The following SUGCT variants were observed in gnomAD, a reference collection of about 807,000 sequenced individuals.
The protein encoded by SUGCT is succinyl-CoA:glutarate-CoA transferase, also known as succinyl-CoA:glutarate CoA-transferase.
Under a neutral mutation model 55.0 loss-of-function variants are expected in SUGCT, and 41 were observed. That is an observed-to-expected ratio of 0.74 (90% CI 0.58 to 0.97). The LOEUF is 0.97. SUGCT is among the 50% of genes least tolerant of loss of function. The pLI is 0.00. For missense variants in SUGCT, 568 were observed against 547.8 expected, an observed-to-expected ratio of 1.04 and a Z score of -0.37; for synonymous variants, 187 against 200.4, an observed-to-expected ratio of 0.93 and a Z score of 0.56.
At chr7:40,854,465 TTTCTTTC>T (rs1439712709) in intron 13 of SUGCT, among the ~76,000 whole-genome samples, 3 of 147,580 alleles carry the variant, frequency 2.0e-5, no homozygotes, top group Non-Finnish European at 4.5e-5. Flanking sequence ...TCTTTCTTTC[TTTCTTTC>T]TTTCTCTTTC....
chr7:40,898,480 C>CGGGGGGGGGGGGGGGGGGG, the SUGCT span, among the ~76,000 whole-genome samples: 2 of 5,716 alleles, frequency 3.5e-4, no homozygotes, highest in Admixed American at 1.5e-3. Context: ...TCCGGGAGGT[C>CGGGGGGGGGGGGGGGGGGG]GGGGGGGGGG....
At chr7:40,186,083 C>G (rs1477843728) in intron 3 of SUGCT, among the ~76,000 whole-genome samples, 2 of 150,688 alleles carry the variant, frequency 1.3e-5, no homozygotes, top group African/African-American at 4.9e-5. Context: ...CTTTCTTTCT[C>G]TCTTTTTCTT....
chr7:41,025,596 C>T, the SUGCT span, among the ~76,000 whole-genome samples: 1 of 152,130 alleles, frequency 6.6e-6, no homozygotes, highest in Non-Finnish European at 1.5e-5. Context: ...ACCTTGTGAT[C>T]AGCCTGCCTC....
At chr7:40,741,690 A>G (rs1418752354) in intron 12 of SUGCT, among the ~76,000 whole-genome samples, 3 of 152,250 alleles carry the variant, frequency 2.0e-5, no homozygotes, top group Admixed American at 6.5e-5. Context: ...GAAGCTACCT[A>G]AAAGCAGAGT....
the SUGCT span, among the ~76,000 whole-genome samples, chr7:41,015,080 G>C: frequency 0.015 from 2,328 of 152,226 alleles, 56 homozygotes; most frequent in African/African-American, 0.053. Flanking sequence ...GGAGATAATT[G>C]GTGTGAATCA....
chr7:40,705,698 C>G (rs1785364825), intron 12 of SUGCT, among the ~76,000 whole-genome samples: 1 of 152,176 alleles, frequency 6.6e-6, no homozygotes, highest in South Asian at 2.1e-4. Flanking sequence ...AGCTATAGAG[C>G]TTGAAGCAAG....
intron 6 of SUGCT, among the ~76,000 whole-genome samples, chr7:40,224,592 A>C (rs1258487068): frequency 6.6e-6 from 1 of 152,176 alleles, no homozygotes; most frequent in Non-Finnish European, 1.5e-5. Context: ...TGTTGTAGGC[A>C]AGATAGTATC....
intron 7 of SUGCT, among the ~76,000 whole-genome samples, chr7:40,268,826 A>G (rs556148850): frequency 2.0e-4 from 31 of 152,050 alleles, no homozygotes; most frequent in Admixed American, 1.1e-3. Flanking sequence ...TTTAGGGGAG[A>G]TGGGGTTTCA....
At chr7:40,341,901 T>TA (rs1052546146) in intron 9 of SUGCT, among the ~76,000 whole-genome samples, 7 of 151,142 alleles carry the variant, frequency 4.6e-5, no homozygotes, top group Non-Finnish European at 8.9e-5. Context: ...GGGCAAATAT[T>TA]AAAAAAAAAG....
chr7:41,003,384 T>C, the SUGCT span, among the ~76,000 whole-genome samples: 1 of 152,188 alleles, frequency 6.6e-6, no homozygotes, highest in Admixed American at 6.5e-5. Context: ...TAGGGTTGCA[T>C]TTAAAGCATA....
At chr7:40,667,726 T>C (rs766539459) in intron 12 of SUGCT, among the ~76,000 whole-genome samples, 2 of 152,126 alleles carry the variant, frequency 1.3e-5, no homozygotes, top group Non-Finnish European at 2.9e-5. Context: ...TTTTTTAGTT[T>C]GTATGCACAG....
rs564579419 is a variant in SUGCT, at chr7:40,718,147, G to A, written c.1090-31287G>A. ...AATCATATTTCATGCAAAGCAATAA[G>A]CATTCTGATATAAAAACTAGCATCT... On this transcript the variant is annotated intron_variant, in intron 12 of 13. Transcript: ENST00000335693. Among the ~76,000 whole-genome samples, 6 of 152,300 alleles carry A rather than the reference G, an allele frequency of 3.9e-5. No individual in the cohort carries two copies. In the South Asian group the frequency reaches 1.2e-3, roughly 32 times the overall value.
the SUGCT span, among the ~76,000 whole-genome samples, chr7:41,017,881 G>C: frequency 5.9e-4 from 89 of 151,976 alleles, no homozygotes; most frequent in East Asian, 0.016. Flanking sequence ...TTCACATCAA[G>C]TCAGAAGAGA....
intron 2 of SUGCT, 150 bp from the exon 3 acceptor site, chr7:40,181,805 C>T: frequency 5.4e-6 from 3 of 551,172 alleles, no homozygotes; most frequent in Non-Finnish European, 9.7e-6. Context: ...TTTTAAAGCT[C>T]CTATTACATA....
chr7:40,145,750 C>A (rs1788211890), intron 1 of SUGCT, among the ~76,000 whole-genome samples: 1 of 152,190 alleles, frequency 6.6e-6, no homozygotes, highest in Non-Finnish European at 1.5e-5. Flanking sequence ...TGGCTCCTTC[C>A]TGATTCTGTA....
At chr7:40,941,645 G>A in the SUGCT span, among the ~76,000 whole-genome samples, 14 of 151,970 alleles carry the variant, frequency 9.2e-5, no homozygotes, top group African/African-American at 3.1e-4. Context: ...CTTGAGGATC[G>A]GTCTGTGCTG....
intron 12 of SUGCT, among the ~76,000 whole-genome samples, chr7:40,615,507 A>T (rs1243895503): frequency 6.6e-6 from 1 of 152,198 alleles, no homozygotes; most frequent in Non-Finnish European, 1.5e-5. Flanking sequence ...GCAGAAAGTC[A>T]GAAGGCCTTG....
chr7:40,205,640 C>CAAAAAA (rs67396482), intron 6 of SUGCT, among the ~76,000 whole-genome samples: 77 of 77,298 alleles, frequency 1.0e-3, no homozygotes, highest in Non-Finnish European at 1.2e-3. Context: ...AACTTCATCT[C>CAAAAAA]AAAAAAAAAA....
At chr7:40,633,798 T>C (rs1468294436) in intron 12 of SUGCT, among the ~76,000 whole-genome samples, 1 of 152,252 alleles carries the variant, frequency 6.6e-6, no homozygotes, top group Admixed American at 6.5e-5. Flanking sequence ...TTTGCATAAA[T>C]ATACATGCAT....
Sources: gnomAD v4.1 joint callset for allele counts (sites outside exome capture counted in the v4.1 genomes callset) on GRCh38, gnomAD v4.1.1 for gene constraint, MANE v1.5 for transcripts, NCBI Gene and HGNC (gene_info 2026-07-23, HGNC 2026-07-21) for gene names.